Variants in AUTS2 observed in about 807,000 individuals in gnomAD.
AUTS2 encodes autism susceptibility gene 2 protein.
In AUTS2, 17 loss-of-function variants were observed where a neutral mutation model predicts 112.4. The ratio of observed to expected loss-of-function variants is 0.15; its 90% CI spans 0.10 to 0.23. The LOEUF (loss-of-function observed/expected upper bound fraction) is 0.23. Among genes scored for constraint, AUTS2 ranks in the 10% least tolerant of loss-of-function variants. The pLI, the probability that AUTS2 is intolerant of heterozygous loss-of-function variation, is 1.00. For missense variants in AUTS2, 1,510 were observed against 1,701.6 expected (o/e 0.89, Z 1.98); for synonymous variants, 751 against 702.7 (o/e 1.07, Z -1.09).
chr7:70,553,760 C>CTTTTTTTTTTTTT (rs71531706), intron 5 of AUTS2, among the ~76,000 whole-genome samples: 16 of 56,114 alleles, frequency 2.9e-4, no homozygotes, highest in African/African-American at 1.1e-3. Context: ...GCCTTTCTTT[C>CTTTTTTTTTTTTT]TTTTTTTTTT....
intron 5 of AUTS2, among the ~76,000 whole-genome samples, chr7:70,690,507 A>G (rs1808702338): frequency 6.6e-6 from 1 of 152,186 alleles, no homozygotes; most frequent in African/African-American, 2.4e-5. Flanking sequence ...ACTTCATTAT[A>G]TTTAGGAGGG....
chr7:70,145,830 G>A (rs894641802), intron 4 of AUTS2, among the ~76,000 whole-genome samples: 5 of 152,048 alleles, frequency 3.3e-5, no homozygotes, highest in Non-Finnish European at 7.4e-5. Context: ...GTTGTACCAC[G>A]CTTCTCTTTG....
At chr7:70,747,434 A>G (rs542121908) in intron 6 of AUTS2, among the ~76,000 whole-genome samples, 32 of 152,308 alleles carry the variant, frequency 2.1e-4, no homozygotes, top group African/African-American at 7.7e-4. Flanking sequence ...CAGATGTGAA[A>G]GGTGACTCCA....
chr7:70,376,331 A>G (rs926904815), intron 4 of AUTS2, among the ~76,000 whole-genome samples: 11 of 152,124 alleles, frequency 7.2e-5, no homozygotes, highest in Non-Finnish European at 1.3e-4. Flanking sequence ...CACATATTTT[A>G]GCCTTTTTGA....
At chr7:70,016,824 C>T (rs567773863) in intron 2 of AUTS2, among the ~76,000 whole-genome samples, 3 of 151,982 alleles carry the variant, frequency 2.0e-5, no homozygotes, top group South Asian at 2.1e-4. Context: ...TGTGCCACCA[C>T]GCCTGGCTAA....
At chr7:70,556,816 A>G (rs1585298804) in intron 5 of AUTS2, among the ~76,000 whole-genome samples, 2 of 152,068 alleles carry the variant, frequency 1.3e-5, no homozygotes, top group Admixed American at 1.3e-4. Context: ...CCTTGATGTA[A>G]TTATCTCAAG....
chr7:69,745,515 G>A (rs1787452300), intron 1 of AUTS2, among the ~76,000 whole-genome samples: 1 of 152,138 alleles, frequency 6.6e-6, no homozygotes, highest in South Asian at 2.1e-4. Context: ...TCGTTGAAGT[G>A]TACAATTTTT....
At chr7:70,011,892 A>G (rs1215043423) in intron 2 of AUTS2, among the ~76,000 whole-genome samples, 3 of 152,032 alleles carry the variant, frequency 2.0e-5, no homozygotes, top group Non-Finnish European at 4.4e-5. Context: ...GACTGCCTCA[A>G]TCTTTTCACT....
intron 6 of AUTS2, among the ~76,000 whole-genome samples, chr7:70,710,153 G>T (rs1455599905): frequency 6.8e-6 from 1 of 147,020 alleles, no homozygotes; most frequent in Non-Finnish European, 1.5e-5. Context: ...AGTACTTAGG[G>T]TTCCTTTGTA....
intron 4 of AUTS2, among the ~76,000 whole-genome samples, chr7:70,244,403 T>G (rs192499677): frequency 1.2e-3 from 176 of 152,348 alleles, no homozygotes; most frequent in African/African-American, 4.0e-3. Context: ...ACATATACAC[T>G]ATCTTTAAAA....
In AUTS2 at chr7:70,302,093, C is replaced by T. The variant is rs1228758032; in HGVS notation, c.661-133659C>T. 2.6e-5 allele frequency among the ~76,000 whole-genome samples: 4 copies of T among 152,036 alleles called. No individual in the cohort carries two copies. In the South Asian group the frequency reaches 8.3e-4, roughly 32 times the overall value. ...ATTATTTGTACAGTGCCCTTAAAGC[C>T]AAAGGCATTGATTAGGCTTATAGAA... On this transcript the variant is annotated intron_variant, in intron 4 of 18. Transcript: ENST00000342771.
chr7:70,332,090 A>G (rs1414814653), intron 4 of AUTS2, among the ~76,000 whole-genome samples: 1 of 152,234 alleles, frequency 6.6e-6, no homozygotes, highest in Non-Finnish European at 1.5e-5. Context: ...AATCTCCTTA[A>G]GCAGATAAGC....
At chr7:70,139,191 T>G (rs1806723717) in intron 4 of AUTS2, among the ~76,000 whole-genome samples, 1 of 152,204 alleles carries the variant, frequency 6.6e-6, no homozygotes, top group Admixed American at 6.5e-5. Context: ...GGTCTTGAAC[T>G]CCTGGGCTCA....
At chr7:69,956,379 G>A (rs1004353785) in intron 2 of AUTS2, among the ~76,000 whole-genome samples, 4 of 152,092 alleles carry the variant, frequency 2.6e-5, no homozygotes, top group African/African-American at 9.7e-5. Flanking sequence ...AATTATATAT[G>A]CAGTAAACTC....
chr7:70,576,287 G>T (rs894842581), intron 5 of AUTS2, among the ~76,000 whole-genome samples: 24 of 152,112 alleles, frequency 1.6e-4, no homozygotes, highest in African/African-American at 5.6e-4. Flanking sequence ...CCCTAAGAAG[G>T]AAAGGGGTCA....
intron 5 of AUTS2, among the ~76,000 whole-genome samples, chr7:70,524,469 C>T (rs1799762562): frequency 1.3e-5 from 2 of 152,168 alleles, no homozygotes; most frequent in African/African-American, 4.8e-5. Flanking sequence ...TAATTAGGAC[C>T]TACATGCCTA....
rs757765913 is a variant in AUTS2, at chr7:70,790,144, G to GGTC, written c.2928_2929insGTC (p.Lys976_Ser977insVal). On this transcript the variant is annotated inframe_insertion, in exon 19 of 19. Coordinates refer to ENST00000342771, the MANE Select transcript of AUTS2 (RefSeq NM_015570.4). This position sits in a 1 kb window ranked among gnomAD's most constrained non-coding sequence, Gnocchi z 7.6. ...AGCCGGCCTACGAGAACCCCAAGAA[G>GGTC]AGCTCCGAGGTCAAGGTGAAGGAGG... 1 of 1,610,074 alleles carries GGTC rather than the reference G, an allele frequency of 6.2e-7. No homozygotes were observed.
chr7:70,760,069 G>A (rs1235302293), intron 6 of AUTS2, among the ~76,000 whole-genome samples: 2 of 151,138 alleles, frequency 1.3e-5, no homozygotes, highest in Non-Finnish European at 2.9e-5. Context: ...GCAGTGGTGT[G>A]ATCTCAGCTC....
At chr7:69,714,367 C>T (rs765535577) in intron 1 of AUTS2, among the ~76,000 whole-genome samples, 1 of 151,738 alleles carries the variant, frequency 6.6e-6, no homozygotes, top group Non-Finnish European at 1.5e-5. Flanking sequence ...CTCAGCCTCC[C>T]GAAGTATTGA....
Sources: allele counts gnomAD v4.1 joint callset (sites outside exome capture counted in the v4.1 genomes callset), GRCh38; gene constraint gnomAD v4.1.1; non-coding constraint Gnocchi (gnomAD v3.1); transcripts MANE v1.5; gene names NCBI Gene and HGNC (gene_info 2026-07-23, HGNC 2026-07-21).